PHACTR4: variants seen among roughly 807,000 people sequenced by gnomAD.
PHACTR4 encodes the protein phosphatase and actin regulator 4.
PHACTR4 carries 51 observed loss-of-function variants against 72.7 expected under a neutral mutation model. The ratio of observed to expected loss-of-function variants is 0.70; its 90% CI spans 0.56 to 0.89. The LOEUF is 0.89. Among genes scored for constraint, PHACTR4 ranks in the 40% least tolerant of loss-of-function variants. The pLI, the probability that PHACTR4 is intolerant of heterozygous loss-of-function variation, is 0.00. For missense variants in PHACTR4, 731 were observed against 861.8 expected (o/e 0.85, Z 1.90); for synonymous variants, 255 against 302.5 (o/e 0.84, Z 1.63).
At chr1:28,370,611 C>CCAAAAAA (rs1651164055) in intron 1 of PHACTR4, among the ~76,000 whole-genome samples, 1 of 130,212 alleles carries the variant, frequency 7.7e-6, no homozygotes, top group Non-Finnish European at 1.6e-5. Context: ...TGATTGCTTG[C>CCAAAAAA]AAAAAAAAAA....
chr1:28,470,261 CAT>C (rs1659479175), intron 6 of PHACTR4, among the ~76,000 whole-genome samples: 1 of 151,902 alleles, frequency 6.6e-6, no homozygotes, highest in Admixed American at 6.6e-5. Flanking sequence ...GGCATGGTGA[CAT>C]GTGCCTGTAA....
At position 28,497,458 on chromosome 1, in the gene PHACTR4, G is replaced by T. The variant is rs1483608421; in HGVS notation, c.*909G>T. ...GCATGAGAATCGCTTGAACCCAGGA[G>T]GTGGAGGTTGCAGTGAGCCAAGATC... On this transcript the variant is annotated 3_prime_UTR_variant, in exon 14 of 14. Transcript: ENST00000373839. 1 of 150,616 alleles carries T rather than the reference G, an allele frequency of 6.6e-6. No individual in the cohort carries two copies. The highest frequency in any genetic ancestry group is 1.5e-5 in the Non-Finnish European group (1 of 67,906). The allele number at this position is 150,616 out of a possible 1,614,324, so 9.3% of individuals were successfully genotyped here.
chr1:28,466,528 A>C lies in PHACTR4; in HGVS notation c.583A>C (p.Thr195Pro). The change falls in exon 6 of 14, where the codon ACG (threonine) becomes CCG (proline). Residue 195 changes from threonine to proline, a missense_variant. By Grantham distance (38) the Thr-to-Pro change is conservative. This residue lies in a region of PHACTR4 where 621 missense variants were observed against 676.6 expected (regional missense o/e 0.92). Transcript: ENST00000373839. ...AAAGGATGCCACTTCCTCTGGCGGC[A>C]CGGCAAGGTTCATCATCTCCACCTC... ...QAKDATSSGG[T>P]ARFIISTSIT... The C allele has an allele frequency of 6.2e-7, 1 of 1,614,044 alleles. No homozygotes were observed. The highest frequency in any genetic ancestry group is 8.5e-7 in the Non-Finnish European group (1 of 1,180,020).
chr1:28,447,116 A>G (rs913727184), intron 2 of PHACTR4, among the ~76,000 whole-genome samples: 1 of 150,572 alleles, frequency 6.6e-6, no homozygotes, highest in Non-Finnish European at 1.5e-5. Context: ...GTTCAAAGTA[A>G]TTCTCCTGCC....
Position 28,493,009 on chromosome 1 carries a change from C to T in PHACTR4, c.2017-6C>T, listed in dbSNP as rs371505663. On this transcript the variant is annotated splice_polypyrimidine_tract_variant and splice_region_variant and intron_variant, in intron 12 of 13. Coordinates refer to ENST00000373839, the MANE Select transcript of PHACTR4 (RefSeq NM_001048183.3). ...AAGCTGAAACATTTTTGTCTCTACT[C>T]CACAGGCTGCCATAAGAAAAGAATT... The T allele has an allele frequency of 3.1e-6, 5 of 1,609,534 alleles. No homozygotes were observed. The African/African-American group carries it at 4.0e-5, about 13-fold the overall frequency.
intron 1 of PHACTR4, among the ~76,000 whole-genome samples, chr1:28,397,966 G>A (rs1653647519): frequency 6.6e-6 from 1 of 151,860 alleles, no homozygotes; most frequent in Non-Finnish European, 1.5e-5. Context: ...GCCCGCCTCG[G>A]CCTCCCAAAG....
At chr1:28,371,564 G>A (rs1180505004) in intron 1 of PHACTR4, among the ~76,000 whole-genome samples, 1 of 151,970 alleles carries the variant, frequency 6.6e-6, no homozygotes, top group Non-Finnish European at 1.5e-5. Flanking sequence ...CAAAGTGCTG[G>A]GATTACAAGC....
intron 2 of PHACTR4, among the ~76,000 whole-genome samples, chr1:28,409,999 G>A (rs958696080): frequency 5.6e-5 from 6 of 107,592 alleles, no homozygotes; most frequent in East Asian, 2.8e-4. Context: ...ACAGAGTCTC[G>A]CTGTGTCCCC....
In PHACTR4 at chr1:28,391,432, A is replaced by G. The variant is rs572323015; in HGVS notation, c.-38-15978A>G. 4.0e-5 allele frequency among the ~76,000 whole-genome samples: 6 copies of G among 151,210 alleles called. No individual in the cohort carries two copies. The South Asian group carries it at 1.3e-3, about 32-fold the overall frequency. On this transcript the variant is annotated intron_variant, in intron 1 of 13. Coordinates refer to ENST00000373839, the MANE Select transcript of PHACTR4 (RefSeq NM_001048183.3). ...AATAAATAAAATAATAATAATAATA[A>G]TAAAGTAAAACTCATAGAAGCAGAG...
chr1:28,460,717 C>G (rs1658740884), intron 4 of PHACTR4, among the ~76,000 whole-genome samples: 1 of 152,170 alleles, frequency 6.6e-6, no homozygotes. Context: ...CCATGTTGGT[C>G]AGGCTGGTCT....
intron 7 of PHACTR4, 128 bp from the exon 8 acceptor site, chr1:28,475,979 C>T: frequency 1.2e-6 from 1 of 812,500 alleles, no homozygotes; most frequent in Middle Eastern, 4.1e-4. Context: ...TTGCCCACCT[C>T]CATCTCCCAA....
chr1:28,425,803 G>T (rs1200543554), intron 2 of PHACTR4, among the ~76,000 whole-genome samples: 1 of 152,170 alleles, frequency 6.6e-6, no homozygotes, highest in Non-Finnish European at 1.5e-5. Flanking sequence ...AGAATAATTG[G>T]CAGTGGCTAA....
At chr1:28,422,419 A>C (rs563742480) in intron 2 of PHACTR4, 1 of 152,266 alleles carries the variant, frequency 6.6e-6, no homozygotes. Flanking sequence ...TATAGGTTAT[A>C]TGTAAACACT....
At chr1:28,405,002 C>G (rs1654218980) in intron 1 of PHACTR4, among the ~76,000 whole-genome samples, 1 of 152,010 alleles carries the variant, frequency 6.6e-6, no homozygotes. Context: ...TTGTTATTAC[C>G]TCTTTTATTT....
At chr1:28,469,909 G>T (rs1659455494) in intron 6 of PHACTR4, among the ~76,000 whole-genome samples, 1 of 151,190 alleles carries the variant, frequency 6.6e-6, no homozygotes, top group African/African-American at 2.4e-5. Flanking sequence ...TACAAAAAAT[G>T]ATCTGGGTAT....
intron 1 of PHACTR4, among the ~76,000 whole-genome samples, chr1:28,379,268 TTTC>T (rs1405855673): frequency 2.4e-5 from 3 of 125,344 alleles, no homozygotes; most frequent in African/African-American, 7.6e-5. Flanking sequence ...AATTTCTTTC[TTTC>T]TTTTTTTTTT....
intron 2 of PHACTR4, among the ~76,000 whole-genome samples, chr1:28,450,009 TGC>T (rs1657822677): frequency 6.6e-6 from 1 of 152,044 alleles, no homozygotes; most frequent in South Asian, 2.1e-4. Context: ...ATATGTGAGG[TGC>T]TACAACTTGA....
intron 2 of PHACTR4, among the ~76,000 whole-genome samples, chr1:28,414,116 C>T (rs1654949075): frequency 6.6e-6 from 1 of 152,048 alleles, no homozygotes. Flanking sequence ...TGCTCTGTCA[C>T]CCAGGCTAGA....
rs777084678 is a variant in PHACTR4, at chr1:28,459,228, A to T, written c.160A>T (p.Ser54Cys). The T allele has an allele frequency of 3.1e-6, 5 of 1,613,660 alleles. No homozygotes were observed. Among genetic ancestry groups the T allele is most frequent in the East Asian group, 2.2e-5 (1 of 44,880 alleles). Residue 54 changes from serine to cysteine, a missense_variant, in exon 3 of 14, where the codon AGT (serine) becomes TGT (cysteine). Physicochemically the swap from Ser to Cys is moderately radical, Grantham distance 112. Transcript: ENST00000373839. ...FKPWKWRKKKSSDKFKETSEV... is the reference protein window; with the variant it reads ...FKPWKWRKKKCSDKFKETSEV... ...GCCCTGGAAATGGAGGAAAAAAAAA[A>T]GTAGTGATAAATTTAAAGAGACTTC...
Sources: gnomAD v4.1 joint callset for allele counts (sites outside exome capture counted in the v4.1 genomes callset) on GRCh38, gnomAD v4.1.1 for gene constraint, gnomAD v4.1.1 regional missense constraint, MANE v1.5 for transcripts, NCBI Gene and HGNC (gene_info 2026-07-23, HGNC 2026-07-21) for gene names.